The following LRP1B variants were observed in gnomAD, a reference collection of about 807,000 sequenced individuals.
The protein encoded by LRP1B is low-density lipoprotein receptor-related protein 1B.
LRP1B carries 217 observed loss-of-function variants against 556.6 expected under a neutral mutation model. The observed-to-expected ratio is 0.39, with a 90% confidence interval of 0.35 to 0.44. The LOEUF is 0.44. Among genes scored for constraint, LRP1B ranks in the 20% least tolerant of loss-of-function variants. The pLI, the probability that LRP1B is intolerant of heterozygous loss-of-function variation, is 1.00. For synonymous variants in LRP1B, 2,047 were observed against 1,865.8 expected, an observed-to-expected ratio of 1.10 and a Z score of -2.50; for missense variants, 5,053 against 5,620.8, an observed-to-expected ratio of 0.90 and a Z score of 3.23.
intron 1 of LRP1B, among the ~76,000 whole-genome samples, chr2:142,028,710 C>A (rs1703587751): frequency 6.6e-6 from 1 of 151,936 alleles, no homozygotes; most frequent in Non-Finnish European, 1.5e-5. Context: ...CAGTGGAAAG[C>A]ATAATTTTGA....
At chr2:141,645,979 G>A (rs911609273) in intron 2 of LRP1B, among the ~76,000 whole-genome samples, 15 of 152,114 alleles carry the variant, frequency 9.9e-5, no homozygotes, top group Admixed American at 2.0e-4. Context: ...TATAAGAGAC[G>A]CAACCCCACA....
At chr2:141,691,091 C>T (rs530606044) in intron 2 of LRP1B, among the ~76,000 whole-genome samples, 16 of 151,888 alleles carry the variant, frequency 1.1e-4, no homozygotes, top group African/African-American at 2.9e-4. Flanking sequence ...GACAGGAAAA[C>T]GAATGGGTCA....
intron 7 of LRP1B, among the ~76,000 whole-genome samples, chr2:141,186,423 G>A (rs552274368): frequency 3.9e-5 from 6 of 152,006 alleles, no homozygotes; most frequent in Middle Eastern, 6.8e-3. Flanking sequence ...CTCCTGTTCC[G>A]TTCTTAGATA....
chr2:140,495,957 T>C (rs144304130), intron 55 of LRP1B, among the ~76,000 whole-genome samples: 3,332 of 152,306 alleles, frequency 0.022, 53 homozygotes, highest in Middle Eastern at 0.051. Context: ...ATTTGATCTT[T>C]TGAAGTTGGC....
At chr2:141,101,474 T>G (rs1474642454) in intron 7 of LRP1B, among the ~76,000 whole-genome samples, 21 of 152,134 alleles carry the variant, frequency 1.4e-4, no homozygotes. Context: ...GAGAAAAGCA[T>G]AGGATCTTCC....
Position 140,868,103 on chromosome 2 carries a change from C to T in LRP1B, c.4330G>A (p.Ala1444Thr), listed in dbSNP as rs780483019. 5 of 1,576,970 alleles carry T rather than the reference C, an allele frequency of 3.2e-6. No individual in the cohort carries two copies. Among genetic ancestry groups the T allele is most frequent in the South Asian group, 1.2e-5 (1 of 83,840 alleles). ...AAAAGAGATGATTTTTTAAACCTGGCGTCTGTCCACACTATCCTTTTCTCA... is the reference window on the plus strand; with the variant it reads ...AAAAGAGATGATTTTTTAAACCTGGTGTCTGTCCACACTATCCTTTTCTCA... ...HFEKRIVWTD[A>T]RSDAIYSALY... Residue 1444 changes from alanine to threonine, a missense_variant, in exon 26 of 91, where the codon GCC (alanine) becomes ACC (threonine). Physicochemically the swap from Ala to Thr is moderately conservative, Grantham distance 58. Coordinates refer to ENST00000389484, the MANE Select transcript of LRP1B (RefSeq NM_018557.3).
intron 3 of LRP1B, among the ~76,000 whole-genome samples, chr2:141,388,469 A>T (rs1478535384): frequency 2.0e-5 from 3 of 152,146 alleles, no homozygotes; most frequent in Non-Finnish European, 4.4e-5. Flanking sequence ...TAAATAAATT[A>T]AATAATACTC....
intron 63 of LRP1B, 101 bp from the exon 64 acceptor site, chr2:140,444,780 T>C: frequency 1.4e-6 from 1 of 723,544 alleles, no homozygotes; most frequent in Non-Finnish European, 2.4e-6. Flanking sequence ...AATAAATATA[T>C]CCTGGAATAC....
intron 1 of LRP1B, among the ~76,000 whole-genome samples, chr2:141,877,289 G>T (rs1357640363): frequency 2.0e-5 from 3 of 152,038 alleles, no homozygotes; most frequent in Admixed American, 2.0e-4. Flanking sequence ...ACTGCCCACA[G>T]GATTTCTGTT....
intron 18 of LRP1B, among the ~76,000 whole-genome samples, chr2:140,970,026 T>G (rs1696364466): frequency 6.6e-6 from 1 of 152,150 alleles, no homozygotes; most frequent in Non-Finnish European, 1.5e-5. Context: ...TCAAGGACCA[T>G]CTTTGGGGCA....
intron 1 of LRP1B, among the ~76,000 whole-genome samples, chr2:141,981,239 T>A (rs1559001241): frequency 6.6e-6 from 1 of 152,030 alleles, no homozygotes; most frequent in African/African-American, 2.4e-5. Flanking sequence ...GGCCATGGTA[T>A]AGAATGGCTG....
At chr2:141,462,501 G>A (rs1681916374) in intron 3 of LRP1B, among the ~76,000 whole-genome samples, 1 of 151,822 alleles carries the variant, frequency 6.6e-6, no homozygotes, top group South Asian at 2.1e-4. Flanking sequence ...TGGGGGGTGG[G>A]GGTCAAGGGG....
intron 1 of LRP1B, among the ~76,000 whole-genome samples, chr2:142,076,010 A>G (rs1458449629): frequency 1.3e-5 from 2 of 152,122 alleles, no homozygotes; most frequent in Non-Finnish European, 2.9e-5. Context: ...GGTCTCAGAA[A>G]AGCATTCTTA....
At chr2:141,519,040 A>AACCATG (rs58431064) in intron 2 of LRP1B, among the ~76,000 whole-genome samples, 1 of 151,986 alleles carries the variant, frequency 6.6e-6, no homozygotes, top group East Asian at 1.9e-4. Context: ...AACTTGAGAA[A>AACCATG]ATCGCTTTAA....
rs758864880 is a variant in LRP1B at position 140,700,533 on chromosome 2, A to G, written c.6516T>C (p.His2172=). The G allele has an allele frequency of 6.2e-7, 1 of 1,613,520 alleles. No individual in the cohort carries two copies. The highest frequency in any genetic ancestry group is 8.5e-7 in the Non-Finnish European group (1 of 1,179,656). ...TAACTCCATCTTCTGCCAAATATCC[A>G]TGGGCACAAGCACAAGTTCTCCGGG... ...GNSRRTCACA[H]GYLAEDGVTC... is the part of the protein sequence containing the mutation. The change falls in exon 41 of 91, where the codon CAT becomes CAC. Residue 2172 remains histidine, a synonymous_variant. Transcript: ENST00000389484.
At chr2:140,438,822 A>T (rs2105295606) in intron 66 of LRP1B, among the ~76,000 whole-genome samples, 1 of 152,300 alleles carries the variant, frequency 6.6e-6, no homozygotes, top group East Asian at 1.9e-4. Context: ...AGATGAAAGG[A>T]TGCAGGAAAA....
At chr2:141,098,624 C>A (rs538269379) in intron 7 of LRP1B, among the ~76,000 whole-genome samples, 1 of 152,180 alleles carries the variant, frequency 6.6e-6, no homozygotes, top group South Asian at 2.1e-4. Flanking sequence ...GGGAAAAATT[C>A]ATATATTTAG....
At chr2:140,264,126 G>A (rs923910862) in intron 86 of LRP1B, among the ~76,000 whole-genome samples, 2 of 152,108 alleles carry the variant, frequency 1.3e-5, no homozygotes, top group Non-Finnish European at 2.9e-5. Flanking sequence ...TGTGTACAAT[G>A]TGTCTGATAC....
chr2:140,937,184 T>C (rs1573899770), intron 20 of LRP1B, among the ~76,000 whole-genome samples: 2 of 151,964 alleles, frequency 1.3e-5, no homozygotes, highest in Non-Finnish European at 2.9e-5. Flanking sequence ...AATGCAGGAA[T>C]TGAGGAACAA....
Sources: allele counts gnomAD v4.1 joint callset (sites outside exome capture counted in the v4.1 genomes callset), GRCh38; gene constraint gnomAD v4.1.1; transcripts MANE v1.5; gene names NCBI Gene and HGNC (gene_info 2026-07-23, HGNC 2026-07-21).